The following YIPF7 variants were observed in gnomAD, a reference collection of about 807,000 sequenced individuals.
The protein encoded by YIPF7 is protein YIPF7.
In YIPF7, 35 loss-of-function variants were observed where a neutral mutation model predicts 27.2. The observed-to-expected ratio is 1.29, with a 90% CI of 0.98 to 1.70. The LOEUF is 1.70. YIPF7 is among the 40% of genes most tolerant of loss of function. The probability of loss-of-function intolerance (pLI) is 0.00; values close to 1 mark genes in which losing one functional copy is unlikely to be tolerated. For synonymous variants in YIPF7, 137 were observed against 110.4 expected (o/e 1.24, Z -1.51); for missense variants, 358 against 303.7 (o/e 1.18, Z -1.33).
chr4:44,635,242 A>G (rs1713073454), intron 3 of YIPF7, among the ~76,000 whole-genome samples: 1 of 152,108 alleles, frequency 6.6e-6, no homozygotes, highest in Admixed American at 6.6e-5. Flanking sequence ...CATTGTATTA[A>G]CATTGTTTAA....
intron 5 of YIPF7, 68 bp from the exon 6 acceptor site, chr4:44,622,644 C>T: frequency 1.3e-6 from 2 of 1,549,498 alleles, no homozygotes; most frequent in Non-Finnish European, 1.8e-6. Flanking sequence ...AAAGTTGCCT[C>T]TGAAATATCC....
At chr4:44,654,931 C>T (rs1491314), upstream of YIPF7, among the ~76,000 whole-genome samples, 82,806 of 151,772 alleles carry the variant, frequency 0.55, 23,558 homozygotes, top group Non-Finnish European at 0.64. Flanking sequence ...TAACAAAGCT[C>T]ACTTAAAAAG....
At chr4:44,650,674 C>T (rs1419795951) in intron 1 of YIPF7, among the ~76,000 whole-genome samples, 1 of 152,202 alleles carries the variant, frequency 6.6e-6, no homozygotes, top group East Asian at 1.9e-4. Flanking sequence ...TTTTCTTTTG[C>T]TCTGGATACT....
chr4:44,643,080 G>A (rs1471779541), intron 2 of YIPF7, among the ~76,000 whole-genome samples: 1 of 152,160 alleles, frequency 6.6e-6, no homozygotes, highest in Non-Finnish European at 1.5e-5. Context: ...ACAGGAAGAT[G>A]AGGAAAAATT....
rs1208987014 is a variant in YIPF7, at chr4:44,635,974, A to G, written c.228T>C (p.Tyr76=). ...FFQPASNSDY[Y]SQSPYIDSFD... The stretch of plus-strand genomic sequence containing the variant: ...AACTGTCAATGTAAGGAGATTGTGA[A>G]TAATAATCTGAGTTGGATGCTGGCT... Residue 76 remains tyrosine (Y), a synonymous_variant, in exon 3 of 6, where the codon TAT becomes TAC. Transcript: ENST00000415895. 1.9e-6 allele frequency: 3 copies of G among 1,613,942 alleles called. No individual in the cohort carries two copies. The South Asian group carries it at 3.3e-5, about 18-fold the overall frequency.
Position 44,650,077 on chromosome 4 carries a change from G to A in YIPF7, c.24C>T (p.Asp8=), listed in dbSNP as rs1390292274. The part of the protein sequence containing the change: MSNLAQF[D]SDFYQSNFTI... Reference sequence around the variant, plus strand: ...TAAAATTAGATTGGTAAAAATCAGAGTCAAATTGTGCCAAGTTTGACATCC... The same window carrying A: ...TAAAATTAGATTGGTAAAAATCAGAATCAAATTGTGCCAAGTTTGACATCC... Residue 8 remains aspartate (D), a synonymous_variant, in exon 2 of 6, where the codon GAC becomes GAT. Transcript: ENST00000415895. 1.9e-6 allele frequency: 3 copies of A among 1,573,890 alleles called. No homozygotes were observed. Among genetic ancestry groups the A allele is most frequent in the Admixed American group, 1.8e-5 (1 of 54,548 alleles).
chr4:44,639,289 G>A (rs1361637575), intron 2 of YIPF7, among the ~76,000 whole-genome samples: 15 of 152,012 alleles, frequency 9.9e-5, no homozygotes, highest in Admixed American at 9.2e-4. Context: ...GGGCCTTATG[G>A]TCATTTAAAC....
chr4:44,656,531 A>C (rs1201186265), upstream of YIPF7, among the ~76,000 whole-genome samples: 1 of 152,052 alleles, frequency 6.6e-6, no homozygotes, highest in African/African-American at 2.4e-5. Context: ...ATTAGATAGA[A>C]TTTTGCAAAA....
In YIPF7 at chr4:44,633,645, G is replaced by A. The variant is rs185450458; in HGVS notation, c.280+2277C>T. On this transcript the variant is annotated intron_variant, in intron 3 of 5. Coordinates refer to ENST00000415895, the MANE Select transcript of YIPF7 (RefSeq NM_182592.3). ...AATGTTACTAGAAAAGATATGCTGG[G>A]TTTAAAAAATTAATATCACATTTTT... 3.7e-4 allele frequency among the ~76,000 whole-genome samples: 56 copies of A among 152,000 alleles called. No individual in the cohort carries two copies. The East Asian group carries it at 0.01, about 28-fold the overall frequency.
intron 2 of YIPF7, among the ~76,000 whole-genome samples, chr4:44,641,395 A>G (rs1359783121): frequency 1.3e-5 from 2 of 152,200 alleles, no homozygotes; most frequent in Non-Finnish European, 2.9e-5. Context: ...CAACTTTGCC[A>G]AGCCATAATA....
intron 4 of YIPF7, among the ~76,000 whole-genome samples, chr4:44,626,317 A>T (rs1201440020): frequency 1.3e-5 from 2 of 152,246 alleles, no homozygotes; most frequent in Admixed American, 6.5e-5. Context: ...AGTTTGCTCC[A>T]CTTGCAAAAT....
chr4:44,651,507 T>C, intron 1 of YIPF7, 47 bp downstream of exon 1: 1 of 1,370,052 alleles, frequency 7.3e-7, no homozygotes, highest in South Asian at 1.4e-5. Flanking sequence ...AACCGAGCTT[T>C]GTATTTTGTT....
Position 44,622,313 on chromosome 4 carries a change from A to T in YIPF7, c.*101T>A, listed in dbSNP as rs1345331940. Reference sequence around the variant, plus strand: ...TCTCTCTGCTTATTACTCTCTCAAAAGCAATAAAACAGAAATCATATCACC... The same window carrying T: ...TCTCTCTGCTTATTACTCTCTCAAATGCAATAAAACAGAAATCATATCACC... On this transcript the variant is annotated 3_prime_UTR_variant, in exon 6 of 6. Transcript: ENST00000415895. 5.8e-6 allele frequency: 8 copies of T among 1,389,124 alleles called. No individual in the cohort carries two copies. In the African/African-American group the frequency reaches 1.2e-4, roughly 20 times the overall value. The allele number at this position is 1,389,124 out of a possible 1,614,324, so 86.0% of individuals were successfully genotyped here. A position where few individuals can be genotyped will look rare whatever the true frequency, so the allele number is the denominator to read the frequency against.
chr4:44,654,584 C>A (rs989602547), upstream of YIPF7, among the ~76,000 whole-genome samples: 2 of 151,928 alleles, frequency 1.3e-5, no homozygotes, highest in Non-Finnish European at 2.9e-5. Flanking sequence ...ACATATGCAT[C>A]CTTGACCTTT....
chr4:44,637,131 CTTTA>C (rs974502271), intron 2 of YIPF7, among the ~76,000 whole-genome samples: 7 of 152,080 alleles, frequency 4.6e-5, no homozygotes, highest in Middle Eastern at 3.4e-3. Context: ...ACCACATTTT[CTTTA>C]TTCATTCATC....
chr4:44,634,319 A>T (rs1713030364), intron 3 of YIPF7, among the ~76,000 whole-genome samples: 1 of 152,128 alleles, frequency 6.6e-6, no homozygotes, highest in Non-Finnish European at 1.5e-5. Flanking sequence ...GATCACCCAA[A>T]GTCAGGAGGT....
intron 4 of YIPF7, among the ~76,000 whole-genome samples, chr4:44,626,533 G>C (rs551924509): frequency 6.6e-6 from 1 of 152,122 alleles, no homozygotes; most frequent in South Asian, 2.1e-4. Context: ...AAGCTAATTT[G>C]GTAGTAAAGT....
intron 2 of YIPF7, among the ~76,000 whole-genome samples, chr4:44,636,634 TAC>T: frequency 6.6e-6 from 1 of 152,224 alleles, no homozygotes; most frequent in East Asian, 1.9e-4. Context: ...AATAAATACA[TAC>T]ACTAATTGCT....
chr4:44,638,319 T>C (rs1439318720), intron 2 of YIPF7, among the ~76,000 whole-genome samples: 4 of 151,724 alleles, frequency 2.6e-5, no homozygotes, highest in Admixed American at 2.6e-4. Flanking sequence ...TAGGCAAGCT[T>C]GCACTCAGGC....
Sources: allele counts gnomAD v4.1 joint callset (sites outside exome capture counted in the v4.1 genomes callset), GRCh38; gene constraint gnomAD v4.1.1; transcripts MANE v1.5; gene names NCBI Gene and HGNC (gene_info 2026-07-23, HGNC 2026-07-21).